BAZ2B: variants seen among roughly 807,000 people sequenced by gnomAD.
BAZ2B encodes bromodomain adjacent to zinc finger domain 2B.
A neutral mutation model predicts 246.0 loss-of-function variants in BAZ2B; 91 were observed. The observed-to-expected ratio is 0.37, with a 90% CI of 0.31 to 0.44. BAZ2B has a LOEUF of 0.44. BAZ2B is among the 20% of genes least tolerant of loss of function. The probability of loss-of-function intolerance (pLI) is 1.00; values close to 1 mark genes in which losing one functional copy is unlikely to be tolerated. For synonymous variants in BAZ2B, 855 were observed against 860.0 expected (o/e 0.99, Z 0.10); for missense variants, 2,332 against 2,533.7 (o/e 0.92, Z 1.71).
At chr2:159,361,732 A>G (rs1345170521) in intron 27 of BAZ2B, among the ~76,000 whole-genome samples, 1 of 152,196 alleles carries the variant, frequency 6.6e-6, no homozygotes, top group Non-Finnish European at 1.5e-5. Flanking sequence ...TAGACTAGAT[A>G]AAGAAAATGT....
chr2:159,492,566 T>C (rs1463965481), intron 2 of BAZ2B, among the ~76,000 whole-genome samples: 1 of 152,230 alleles, frequency 6.6e-6, no homozygotes, highest in Non-Finnish European at 1.5e-5. Flanking sequence ...TTAAAACAGT[T>C]GCTTATTGAA....
chr2:159,476,213 C>G (rs1411841890), intron 3 of BAZ2B, among the ~76,000 whole-genome samples: 1 of 151,888 alleles, frequency 6.6e-6, no homozygotes, highest in East Asian at 1.9e-4. Context: ...ACTGGGGCTG[C>G]TGTAAAAGGC....
intron 19 of BAZ2B, chr2:159,396,569 T>C (rs1318101504): frequency 1.3e-5 from 2 of 152,220 alleles, no homozygotes; most frequent in Admixed American, 6.6e-5. Context: ...ATTCTCACTT[T>C]ACTTTTAAAA....
At chr2:159,400,742 T>TC in intron 16 of BAZ2B, 78 bp from the exon 17 acceptor site, 1 of 914,434 alleles carries the variant, frequency 1.1e-6, no homozygotes, top group Non-Finnish European at 1.7e-6. Flanking sequence ...AATCAAATAA[T>TC]TAAAAATATA....
chr2:159,535,027 C>A (rs888130508), intron 2 of BAZ2B, among the ~76,000 whole-genome samples: 7 of 149,222 alleles, frequency 4.7e-5, no homozygotes, highest in Non-Finnish European at 7.4e-5. Flanking sequence ...AATAAGTATG[C>A]CAATAATAAA....
the BAZ2B span, among the ~76,000 whole-genome samples, chr2:159,678,878 T>C: frequency 7.9e-5 from 12 of 152,162 alleles, no homozygotes; most frequent in Non-Finnish European, 1.8e-4. Context: ...TCTAACAATA[T>C]AGGTTTGTCT....
the BAZ2B span, among the ~76,000 whole-genome samples, chr2:159,643,769 A>T: frequency 6.6e-6 from 1 of 151,056 alleles, no homozygotes; most frequent in East Asian, 2.0e-4. Flanking sequence ...CCAGCTACTC[A>T]GGAGGCTGAA....
Position 159,430,983 on chromosome 2 carries a change from G to A in BAZ2B, c.2074C>T (p.Pro692Ser). The change falls in exon 10 of 37, where the codon CCT becomes TCT. Residue 692 changes from proline (P) to serine (S), a missense_variant. Physicochemically the swap from Pro to Ser is moderately conservative, Grantham distance 74. Coordinates refer to ENST00000392783, the MANE Select transcript of BAZ2B (RefSeq NM_013450.4). The part of the protein sequence containing the change: ...PSMSLTGHST[P>S]RNLHIAKAPG... ...GCTTTTGCTATGTGGAGGTTACGAG[G>A]TGTTGAGTGACCTGTGAGACTCATG... 6.2e-7 allele frequency: 1 copy of A among 1,614,016 alleles called. No individual in the cohort carries two copies. The highest frequency in any genetic ancestry group is 8.5e-7 in the Non-Finnish European group (1 of 1,179,906).
intron 3 of BAZ2B, chr2:159,462,686 C>T: frequency 3.0e-6 from 4 of 1,321,246 alleles, no homozygotes; most frequent in Non-Finnish European, 4.4e-6. Context: ...CTTAAGCACT[C>T]CAACCACCTG....
the BAZ2B span, among the ~76,000 whole-genome samples, chr2:159,657,307 T>G: frequency 6.6e-6 from 1 of 152,208 alleles, no homozygotes; most frequent in Non-Finnish European, 1.5e-5. Flanking sequence ...TTTGCGTAGG[T>G]CTATTTCTGT....
rs749453666 is a variant in BAZ2B, at chr2:159,412,529, A to T, written c.2483T>A (p.Leu828His). 4 of 1,613,780 alleles carry T rather than the reference A, an allele frequency of 2.5e-6. No individual in the cohort carries two copies. The African/African-American group carries it at 4.0e-5, about 16-fold the overall frequency. The change falls in exon 14 of 37, where the codon CTT becomes CAT. Residue 828 changes from leucine to histidine, a missense_variant. Leu to His is a moderately conservative substitution (Grantham distance 99). Around this residue, in one of 9 missense-constraint regions of BAZ2B, gnomAD observed 651 missense variants for 650.9 expected, o/e 1.00. Transcript: ENST00000392783. ...AGGAATGACATCCTCTTCTTTCAAA[A>T]GACACCACTGCATTCCCTTTTAATT... ...RDGPQGMQWC[L>H]LKEEDVIPRI...
intron 2 of BAZ2B, among the ~76,000 whole-genome samples, chr2:159,510,131 G>T (rs1052690593): frequency 6.6e-6 from 1 of 152,172 alleles, no homozygotes; most frequent in South Asian, 2.1e-4. Flanking sequence ...TAGATTAGAG[G>T]TTACTAGGAG....
intron 1 of BAZ2B, among the ~76,000 whole-genome samples, chr2:159,607,085 C>A (rs1354539192): frequency 6.6e-6 from 1 of 152,014 alleles, no homozygotes; most frequent in African/African-American, 2.4e-5. Context: ...AAACTCCTGG[C>A]CTCAAGTGAT....
intron 25 of BAZ2B, among the ~76,000 whole-genome samples, chr2:159,379,539 T>A (rs1389229441): frequency 6.6e-6 from 1 of 152,154 alleles, no homozygotes; most frequent in African/African-American, 2.4e-5. Flanking sequence ...TCTAATAAAT[T>A]TTACCATTCT....
intron 33 of BAZ2B, among the ~76,000 whole-genome samples, chr2:159,334,975 G>A (rs2065380415): frequency 6.6e-6 from 1 of 152,000 alleles, no homozygotes; most frequent in Admixed American, 6.5e-5. Context: ...GTTCTCAAGT[G>A]TAATCACAGC....
chr2:159,604,949 TGTGCGC>T lies in BAZ2B; in HGVS notation c.-46+11287_-46+11292del, dbSNP rs1441306037. ...AATATATTTTGTGTGTGTGTGTGTG[TGTGCGC>T]GTGTGTGCGCGCGCTAGGAGAGAGA... On this transcript the variant is annotated intron_variant, in intron 1 of 36. Coordinates refer to ENST00000392783, the MANE Select transcript of BAZ2B (RefSeq NM_013450.4). Among the ~76,000 whole-genome samples the T allele has an allele frequency of 1.5e-4, 19 of 130,044 alleles. No individual in the cohort carries two copies. The East Asian group carries it at 5.0e-3, about 34-fold the overall frequency. 85.3% of individuals were successfully genotyped at this position (130,044 alleles called of 152,430 possible).
chr2:159,338,368 T>G (rs1223292012), intron 31 of BAZ2B, among the ~76,000 whole-genome samples: 1 of 152,194 alleles, frequency 6.6e-6, no homozygotes, highest in Non-Finnish European at 1.5e-5. Context: ...CAGGTTCTCA[T>G]AGGACCATGC....
chr2:159,673,044 C>G, the BAZ2B span, among the ~76,000 whole-genome samples: 1 of 151,932 alleles, frequency 6.6e-6, no homozygotes, highest in East Asian at 1.9e-4. Context: ...TTCTGCATGG[C>G]AAAAAACATC....
chr2:159,351,449 G>A (rs2058554117), intron 27 of BAZ2B, among the ~76,000 whole-genome samples: 1 of 151,572 alleles, frequency 6.6e-6, no homozygotes, highest in Admixed American at 6.6e-5. Context: ...TTTTAGACTT[G>A]TTCTCCCAAT....
Sources: allele counts gnomAD v4.1 joint callset (sites outside exome capture counted in the v4.1 genomes callset), GRCh38; gene constraint gnomAD v4.1.1; regional missense constraint gnomAD v4.1.1; transcripts MANE v1.5; gene names NCBI Gene and HGNC (gene_info 2026-07-23, HGNC 2026-07-21).